Variants in OR56A3 observed in about 807,000 individuals in gnomAD.
The protein encoded by OR56A3 is olfactory receptor 56A3.
OR56A3 carries 23 observed loss-of-function variants against 17.5 expected under a neutral mutation model. The ratio of observed to expected loss-of-function variants is 1.32; its 90% CI spans 0.95 to 1.87. OR56A3 has a LOEUF of 1.87. Ranked by LOEUF, OR56A3 falls within the 40% of genes most tolerant of loss-of-function variation. The pLI is 0.00. For missense variants in OR56A3, 366 were observed against 380.1 expected (o/e 0.96, Z 0.31); for synonymous variants, 175 against 150.6 (o/e 1.16, Z -1.19).
the OR56A3 span, among the ~76,000 whole-genome samples, chr11:5,966,482 T>G: frequency 7.1e-4 from 108 of 152,298 alleles, no homozygotes; most frequent in Non-Finnish European, 1.4e-3. Context: ...GATTCAAAAA[T>G]AATATCTATG....
chr11:6,015,183 C>T, the OR56A3 span, among the ~76,000 whole-genome samples: 1 of 152,028 alleles, frequency 6.6e-6, no homozygotes, highest in African/African-American at 2.4e-5. Flanking sequence ...ATACCCAAGA[C>T]AATGGGGAAA....
chr11:5,998,244 A>G, the OR56A3 span, among the ~76,000 whole-genome samples: 4 of 152,214 alleles, frequency 2.6e-5, no homozygotes, highest in African/African-American at 9.7e-5. Flanking sequence ...TGGCCAAGCT[A>G]TGACTGACCA....
chr11:5,987,960 A>G, the OR56A3 span, among the ~76,000 whole-genome samples: 1 of 152,180 alleles, frequency 6.6e-6, no homozygotes, highest in African/African-American at 2.4e-5. Flanking sequence ...AATTTATTGC[A>G]TGGAATAAAA....
the OR56A3 span, among the ~76,000 whole-genome samples, chr11:5,972,000 C>T: frequency 6.6e-5 from 10 of 152,220 alleles, no homozygotes; most frequent in African/African-American, 2.4e-4. Context: ...AAGTCTGTTT[C>T]TGCTGGCTAT....
At chr11:5,963,146 T>A in the OR56A3 span, among the ~76,000 whole-genome samples, 1 of 152,178 alleles carries the variant, frequency 6.6e-6, no homozygotes, top group East Asian at 1.9e-4. Context: ...ATTTTGTTGA[T>A]CTTTTATATA....
At chr11:5,987,210 A>G in the OR56A3 span, among the ~76,000 whole-genome samples, 1 of 152,200 alleles carries the variant, frequency 6.6e-6, no homozygotes, top group Admixed American at 6.5e-5. Context: ...GTCAACTTCA[A>G]AGAGTTATTT....
At chr11:5,991,194 C>T in the OR56A3 span, among the ~76,000 whole-genome samples, 1 of 152,290 alleles carries the variant, frequency 6.6e-6, no homozygotes, top group South Asian at 2.1e-4. Context: ...GTAAAGGTAG[C>T]AAATCAGCTG....
chr11:6,002,526 G>T, the OR56A3 span: 1 of 1,614,182 alleles, frequency 6.2e-7, no homozygotes, highest in Middle Eastern at 1.6e-4. Context: ...AGAAACAAAG[G>T]CATTCCGGGC....
At chr11:6,000,066 G>T in the OR56A3 span, 1 of 150,366 alleles carries the variant, frequency 6.7e-6, no homozygotes, top group Non-Finnish European at 1.5e-5. Context: ...GATTCCTCAG[G>T]GATCTAGAAC....
At chr11:6,004,319 A>T in the OR56A3 span, among the ~76,000 whole-genome samples, 1 of 152,100 alleles carries the variant, frequency 6.6e-6, no homozygotes, top group African/African-American at 2.4e-5. Flanking sequence ...ACGCCACTGC[A>T]CTCCGGCCTG....
chr11:5,987,067 A>G, the OR56A3 span: 2 of 760,442 alleles, frequency 2.6e-6, no homozygotes, highest in Non-Finnish European at 4.2e-6. Flanking sequence ...GGTGGAGATA[A>G]TTCTTTTACA....
chr11:6,002,324 A>G, the OR56A3 span: 10 of 1,614,172 alleles, frequency 6.2e-6, no homozygotes, highest in Middle Eastern at 8.2e-4. Context: ...CTTTCAATAT[A>G]AAAGAATAGG....
At chr11:5,961,879 A>G in the OR56A3 span, among the ~76,000 whole-genome samples, 1 of 151,850 alleles carries the variant, frequency 6.6e-6, no homozygotes, top group South Asian at 2.1e-4. Context: ...TCCAATTTGC[A>G]TGCCTTTTAT....
At chr11:5,976,832 T>C in the OR56A3 span, among the ~76,000 whole-genome samples, 1 of 152,172 alleles carries the variant, frequency 6.6e-6, no homozygotes, top group Non-Finnish European at 1.5e-5. Context: ...GTAATGAGCA[T>C]AGGACCCCGT....
the OR56A3 span, among the ~76,000 whole-genome samples, chr11:6,005,760 G>T: frequency 6.6e-6 from 1 of 152,180 alleles, no homozygotes; most frequent in Admixed American, 6.5e-5. Flanking sequence ...GGTGAAAGGG[G>T]CTAGCTAGCT....
the OR56A3 span, chr11:5,986,109 A>C: frequency 2.7e-5 from 43 of 1,613,962 alleles, no homozygotes; most frequent in African/African-American, 1.5e-4. Flanking sequence ...GGAAGGAGAA[A>C]ATTCCAGGGA....
the OR56A3 span, among the ~76,000 whole-genome samples, chr11:5,993,030 C>G: frequency 8.5e-5 from 13 of 152,258 alleles, no homozygotes; most frequent in South Asian, 2.7e-3. Flanking sequence ...TTCGGGAAAG[C>G]CCTCCCTATT....
chr11:6,015,325 C>A, the OR56A3 span, among the ~76,000 whole-genome samples: 2,760 of 152,262 alleles, frequency 0.018, 51 homozygotes, highest in South Asian at 0.03. Flanking sequence ...GGGGACACTG[C>A]TGTCTGCATC....
chr11:5,968,412 T>C, the OR56A3 span: 55 of 1,609,552 alleles, frequency 3.4e-5, no homozygotes, highest in African/African-American at 7.2e-4. Flanking sequence ...AGACAGCCAG[T>C]GCTGCCAGCT....
Sources: gnomAD v4.1 joint callset for allele counts (sites outside exome capture counted in the v4.1 genomes callset) on GRCh38, gnomAD v4.1.1 for gene constraint, MANE v1.5 for transcripts, NCBI Gene and HGNC (gene_info 2026-07-23, HGNC 2026-07-21) for gene names.